Variants in GLIS3 observed in about 807,000 individuals in gnomAD.
The protein encoded by GLIS3 is zinc finger protein GLIS3.
GLIS3 carries 53 observed loss-of-function variants against 78.6 expected under a neutral mutation model. The observed-to-expected ratio is 0.67, with a 90% CI of 0.54 to 0.85. The LOEUF (loss-of-function observed/expected upper bound fraction) is 0.85. GLIS3 is among the 40% of genes least tolerant of loss of function. The pLI is 0.00. For synonymous variants in GLIS3, 684 were observed against 509.9 expected, an observed-to-expected ratio of 1.34 and a Z score of -4.60; for missense variants, 1,703 against 1,231.1, an observed-to-expected ratio of 1.38 and a Z score of -5.74.
At chr9:3,862,543 A>G (rs1820281035) in intron 8 of GLIS3, among the ~76,000 whole-genome samples, 1 of 152,162 alleles carries the variant, frequency 6.6e-6, no homozygotes, top group Admixed American at 6.5e-5. Flanking sequence ...AACAAAATTT[A>G]CTAATAGATT....
At chr9:4,289,957 G>C (rs1004052307) in intron 1 of GLIS3, among the ~76,000 whole-genome samples, 1 of 152,054 alleles carries the variant, frequency 6.6e-6, no homozygotes, top group Non-Finnish European at 1.5e-5. Flanking sequence ...CTGAAAATGC[G>C]TGACTTTAAT....
chr9:4,148,493 CACAT>C (rs1337095773), intron 2 of GLIS3, among the ~76,000 whole-genome samples: 1 of 152,112 alleles, frequency 6.6e-6, no homozygotes, highest in Non-Finnish European at 1.5e-5. Flanking sequence ...TCTAAACTCC[CACAT>C]AGTTATTCAT....
chr9:3,920,956 G>A (rs937363257), intron 6 of GLIS3, among the ~76,000 whole-genome samples: 1 of 152,108 alleles, frequency 6.6e-6, no homozygotes, highest in Admixed American at 6.5e-5. Context: ...GATGTCCTTA[G>A]AGATTTGAAA....
chr9:4,345,127 C>A (rs535703518), intron 2 of GLIS3, among the ~76,000 whole-genome samples: 1 of 152,290 alleles, frequency 6.6e-6, no homozygotes, highest in South Asian at 2.1e-4. Context: ...AGAGCAAAAG[C>A]CTGAGTGCTT....
At position 4,037,340 on chromosome 9, in the gene GLIS3, G is replaced by A. The variant is rs191011671; in HGVS notation, c.1710+80428C>T. ...CCACAGGCAAATTACTAACCCCTCC[G>A]TGCCTCAGTTTTCTCATCTGTAAAA... On this transcript the variant is annotated intron_variant, in intron 4 of 10. Coordinates refer to ENST00000381971, the MANE Select transcript of GLIS3 (RefSeq NM_001042413.2). 1.9e-3 allele frequency among the ~76,000 whole-genome samples: 286 copies of A among 152,170 alleles called. 1 individual carries two copies. The highest frequency in any genetic ancestry group is 3.5e-3 in the Non-Finnish European group (237 of 68,026).
At chr9:4,381,439 T>C in the GLIS3 span, among the ~76,000 whole-genome samples, 1 of 152,174 alleles carries the variant, frequency 6.6e-6, no homozygotes, top group Non-Finnish European at 1.5e-5. Context: ...TGATATATAA[T>C]AAGCACCAAC....
chr9:4,218,254 A>G (rs1587012558), intron 2 of GLIS3, among the ~76,000 whole-genome samples: 1 of 152,036 alleles, frequency 6.6e-6, no homozygotes, highest in East Asian at 1.9e-4. Flanking sequence ...CTCCACTGCA[A>G]CCACCATGGT....
At chr9:4,029,829 T>G (rs1457115865) in intron 4 of GLIS3, among the ~76,000 whole-genome samples, 1 of 152,252 alleles carries the variant, frequency 6.6e-6, no homozygotes, top group African/African-American at 2.4e-5. Context: ...CCACATTTTT[T>G]AATCCATTCA....
intron 2 of GLIS3, among the ~76,000 whole-genome samples, chr9:4,128,150 G>A (rs968047897): frequency 1.3e-5 from 2 of 152,102 alleles, no homozygotes; most frequent in African/African-American, 4.8e-5. Context: ...TCTTCTCTTT[G>A]CCTGGAATGC....
chr9:4,095,688 T>G (rs1829883120), intron 4 of GLIS3, among the ~76,000 whole-genome samples: 1 of 152,138 alleles, frequency 6.6e-6, no homozygotes, highest in Non-Finnish European at 1.5e-5. Flanking sequence ...TAAATTTGCT[T>G]CATGTTTAAT....
chr9:3,974,584 G>A (rs996046282), intron 4 of GLIS3, among the ~76,000 whole-genome samples: 43 of 152,244 alleles, frequency 2.8e-4, no homozygotes, highest in East Asian at 1.2e-3. Flanking sequence ...ATTTGTGCCC[G>A]CAGAAAAACC....
At chr9:4,351,102 T>G (rs936489298), upstream of GLIS3, among the ~76,000 whole-genome samples, 3 of 152,156 alleles carry the variant, frequency 2.0e-5, no homozygotes, top group Admixed American at 2.0e-4. Context: ...GCCTGTTTCT[T>G]AGACCTTAAG....
chr9:4,060,588 G>A (rs531303867), intron 4 of GLIS3, among the ~76,000 whole-genome samples: 3 of 152,226 alleles, frequency 2.0e-5, no homozygotes, highest in East Asian at 1.9e-4. Context: ...GGCTTTATGA[G>A]AAGAGAAGAG....
intron 2 of GLIS3, among the ~76,000 whole-genome samples, chr9:4,342,266 T>G (rs867161322): frequency 2.6e-5 from 4 of 152,228 alleles, no homozygotes. Context: ...TTAATTTTTG[T>G]GTATGATGAA....
the GLIS3 span, among the ~76,000 whole-genome samples, chr9:4,388,461 G>A: frequency 2.3e-3 from 345 of 151,880 alleles, 1 homozygote; most frequent in Non-Finnish European, 4.0e-3. Flanking sequence ...GGCAGATCAC[G>A]AGGTCAGGAG....
intron 2 of GLIS3, among the ~76,000 whole-genome samples, chr9:4,167,942 T>G (rs1298278279): frequency 1.3e-5 from 2 of 152,160 alleles, no homozygotes; most frequent in Non-Finnish European, 2.9e-5. Context: ...CTCCAAAGGC[T>G]CTGACCAGGA....
At chr9:4,152,287 G>C (rs1834743890) in intron 2 of GLIS3, 2 of 170,908 alleles carry the variant, frequency 1.2e-5, no homozygotes, top group South Asian at 3.9e-4. Flanking sequence ...ATACACGACG[G>C]GGTTGCCAGG....
intron 2 of GLIS3, among the ~76,000 whole-genome samples, chr9:4,173,433 A>G (rs1307582337): frequency 6.6e-6 from 1 of 152,106 alleles, no homozygotes; most frequent in East Asian, 1.9e-4. Context: ...ATCATCTTGT[A>G]AATAGCTTCA....
At chr9:4,406,655 C>A in the GLIS3 span, among the ~76,000 whole-genome samples, 198 of 152,228 alleles carry the variant, frequency 1.3e-3, no homozygotes, top group African/African-American at 4.5e-3. Flanking sequence ...TATATGCCAA[C>A]AGTGAAAAAT....
Sources: gnomAD v4.1 joint callset for allele counts (sites outside exome capture counted in the v4.1 genomes callset) on GRCh38, gnomAD v4.1.1 for gene constraint, MANE v1.5 for transcripts, NCBI Gene and HGNC (gene_info 2026-07-23, HGNC 2026-07-21) for gene names.